The following LOC400499 variants were observed in gnomAD, a reference collection of about 807,000 sequenced individuals.
At chr16:11,486,067 G>T in the LOC400499 span, among the ~76,000 whole-genome samples, 1 of 151,672 alleles carries the variant, frequency 6.6e-6, no homozygotes, top group Non-Finnish European at 1.5e-5. Context: ...TGGATGTATG[G>T]ATGGATGGAT....
the LOC400499 span, among the ~76,000 whole-genome samples, chr16:11,379,584 T>C: frequency 6.6e-6 from 1 of 152,246 alleles, no homozygotes; most frequent in Non-Finnish European, 1.5e-5. Context: ...CTGACTAACC[T>C]GGTGACTGTG....
At chr16:11,479,073 T>A in the LOC400499 span, among the ~76,000 whole-genome samples, 3 of 152,098 alleles carry the variant, frequency 2.0e-5, no homozygotes, top group African/African-American at 7.2e-5. Context: ...TATATCTTCA[T>A]CAGAAGCAAG....
chr16:11,516,748 C>T, the LOC400499 span, among the ~76,000 whole-genome samples: 1 of 152,188 alleles, frequency 6.6e-6, no homozygotes, highest in African/African-American at 2.4e-5. Flanking sequence ...TAGGCTTAAA[C>T]GATCCTTCTG....
At chr16:11,383,534 A>C in the LOC400499 span, 1 of 1,153,866 alleles carries the variant, frequency 8.7e-7, no homozygotes, top group Non-Finnish European at 1.1e-6. Context: ...TAGCTCCTTG[A>C]ATGACAATTA....
At chr16:11,386,045 T>A in the LOC400499 span, among the ~76,000 whole-genome samples, 1 of 151,934 alleles carries the variant, frequency 6.6e-6, no homozygotes, top group East Asian at 1.9e-4. Context: ...CAAAAAAAAA[T>A]GTCACACATA....
At chr16:11,512,925 C>A in the LOC400499 span, among the ~76,000 whole-genome samples, 1 of 152,188 alleles carries the variant, frequency 6.6e-6, no homozygotes, top group East Asian at 1.9e-4. Context: ...ATCCCAAGGT[C>A]CCATCTAGTG....
chr16:11,388,218 A>G, the LOC400499 span, among the ~76,000 whole-genome samples: 4 of 152,110 alleles, frequency 2.6e-5, no homozygotes, highest in Admixed American at 2.6e-4. Flanking sequence ...CCCACCTAGC[A>G]GTGACAGGAT....
the LOC400499 span, chr16:11,459,895 C>T: frequency 1.4e-6 from 2 of 1,391,126 alleles, no homozygotes; most frequent in Non-Finnish European, 1.9e-6. Context: ...GCCAGGCTCA[C>T]CTCCATGAAG....
chr16:11,489,902 G>T, the LOC400499 span, among the ~76,000 whole-genome samples: 1 of 152,166 alleles, frequency 6.6e-6, no homozygotes, highest in Non-Finnish European at 1.5e-5. Flanking sequence ...TTAACTCAAG[G>T]GCCAAAGGTA....
At chr16:11,496,977 A>T in the LOC400499 span, among the ~76,000 whole-genome samples, 3 of 150,096 alleles carry the variant, frequency 2.0e-5, no homozygotes, top group Non-Finnish European at 3.0e-5. Context: ...GCATTTCCCC[A>T]TGTGGGTGTC....
chr16:11,448,631 CG>C, the LOC400499 span, among the ~76,000 whole-genome samples: 1 of 152,032 alleles, frequency 6.6e-6, no homozygotes, highest in Non-Finnish European at 1.5e-5. Flanking sequence ...GTAGGCTGAG[CG>C]GGGAGGATCC....
At chr16:11,456,636 C>T in the LOC400499 span, among the ~76,000 whole-genome samples, 2 of 152,128 alleles carry the variant, frequency 1.3e-5, no homozygotes, top group Admixed American at 6.5e-5. Context: ...CTATGGTGCC[C>T]AGGCTGATCT....
At chr16:11,394,427 T>A in the LOC400499 span, among the ~76,000 whole-genome samples, 1 of 152,170 alleles carries the variant, frequency 6.6e-6, no homozygotes, top group Non-Finnish European at 1.5e-5. Context: ...AGTAAGGGTG[T>A]CACCCTCTCT....
chr16:11,495,706 CTG>C, the LOC400499 span, among the ~76,000 whole-genome samples: 1 of 152,196 alleles, frequency 6.6e-6, no homozygotes, highest in East Asian at 1.9e-4. Context: ...AGTAAACAAA[CTG>C]TGTTCACTAC....
the LOC400499 span, among the ~76,000 whole-genome samples, chr16:11,437,209 A>T: frequency 6.6e-6 from 1 of 152,170 alleles, no homozygotes; most frequent in Non-Finnish European, 1.5e-5. Flanking sequence ...TAGGGCAGGG[A>T]AACTGTTATG....
the LOC400499 span, among the ~76,000 whole-genome samples, chr16:11,498,716 G>C: frequency 2.6e-5 from 4 of 151,594 alleles, no homozygotes; most frequent in Admixed American, 6.6e-5. Flanking sequence ...GCTCTGGCCT[G>C]CACATGGAAC....
chr16:11,439,497 T>G, the LOC400499 span: 5 of 398,744 alleles, frequency 1.3e-5, no homozygotes, highest in African/African-American at 8.2e-5. Flanking sequence ...ACCTGGAAGT[T>G]TGGAGGAAAT....
At chr16:11,488,209 A>AT in the LOC400499 span, among the ~76,000 whole-genome samples, 1 of 152,000 alleles carries the variant, frequency 6.6e-6, no homozygotes, top group African/African-American at 2.4e-5. Flanking sequence ...AGTTAAGGTG[A>AT]TTTTCTATTA....
At chr16:11,383,562 G>C in the LOC400499 span, 4 of 1,211,228 alleles carry the variant, frequency 3.3e-6, no homozygotes, top group Non-Finnish European at 4.1e-6. Flanking sequence ...TCCCTGGTGA[G>C]AGAAAGGGAC....
Sources: allele counts gnomAD v4.1 joint callset (sites outside exome capture counted in the v4.1 genomes callset), GRCh38; gene constraint gnomAD v4.1.1; transcripts MANE v1.5.